Variants in PARG observed in about 807,000 individuals in gnomAD.
PARG encodes the protein poly(ADP-ribose) glycohydrolase.
Under a neutral mutation model 113.0 loss-of-function variants are expected in PARG, and 35 were observed. The observed-to-expected ratio is 0.31, with a 90% CI of 0.24 to 0.41. PARG has a LOEUF of 0.41. Ranked by LOEUF, PARG falls within the 10% of genes least tolerant of loss-of-function variation. PARG has a pLI of 1.00. For synonymous variants in PARG, 330 were observed against 409.9 expected (o/e 0.81, Z 2.36); for missense variants, 797 against 1,169.4 (o/e 0.68, Z 4.64).
intron 16 of PARG, among the ~76,000 whole-genome samples, chr10:49,829,930 T>G (rs536815092): frequency 6.6e-6 from 1 of 152,282 alleles, no homozygotes; most frequent in South Asian, 2.1e-4. Context: ...CTTTTTTTTT[T>G]AGCATCATAG....
In PARG at chr10:49,862,086, C is replaced by CGTGTGTGT. The variant is rs35142553; in HGVS notation, c.2130-431_2130-424dup. Reference sequence around the variant, plus strand: ...TTTTCTATTTTCACTGTTTCATAACCGTGTGTGTGTGTGTGTGTGTGTGTG... The same window carrying CGTGTGTGT: ...TTTTCTATTTTCACTGTTTCATAACCGTGTGTGTGTGTGTGTGTGTGTGTGTGTGTGTG... On this transcript the variant is annotated intron_variant, in intron 11 of 17. Transcript: ENST00000616448. Among the ~76,000 whole-genome samples, 242 of 142,962 alleles carry CGTGTGTGT rather than the reference C, an allele frequency of 1.7e-3. 2 individuals are homozygous for CGTGTGTGT. The highest frequency in any genetic ancestry group is 5.1e-3 in the African/African-American group (193 of 37,760). 93.8% of individuals were successfully genotyped at this position (142,962 alleles called of 152,430 possible). A position where few individuals can be genotyped will look rare whatever the true frequency, so the allele number is the denominator to read the frequency against.
chr10:49,823,405 GT>G (rs1187812472), intron 16 of PARG, among the ~76,000 whole-genome samples: 1 of 152,088 alleles, frequency 6.6e-6, no homozygotes, highest in Non-Finnish European at 1.5e-5. Context: ...CATAATATAT[GT>G]AAGACCCTAA....
At chr10:49,896,564 C>T (rs373454467) in intron 7 of PARG, among the ~76,000 whole-genome samples, 279 of 152,200 alleles carry the variant, frequency 1.8e-3, no homozygotes, top group East Asian at 0.017. Context: ...GGATTACAGG[C>T]ATGAGCCATC....
chr10:49,913,982 A>T (rs1318838629), intron 7 of PARG, among the ~76,000 whole-genome samples: 1 of 152,160 alleles, frequency 6.6e-6, no homozygotes, highest in Non-Finnish European at 1.5e-5. Flanking sequence ...AACCATCATC[A>T]GCACCTGAGT....
At chr10:49,834,863 T>C (rs1442284708) in intron 15 of PARG, among the ~76,000 whole-genome samples, 2 of 151,974 alleles carry the variant, frequency 1.3e-5, no homozygotes, top group African/African-American at 4.8e-5. Context: ...AAAATATTAA[T>C]CAGATAAAAA....
At chr10:49,829,146 G>T (rs1430420686) in intron 16 of PARG, among the ~76,000 whole-genome samples, 2 of 152,052 alleles carry the variant, frequency 1.3e-5, no homozygotes, top group African/African-American at 4.8e-5. Context: ...TGAGGGAGGA[G>T]AATTGCTTGA....
At chr10:49,879,310 AG>A (rs1225827644) in intron 9 of PARG, among the ~76,000 whole-genome samples, 2 of 151,396 alleles carry the variant, frequency 1.3e-5, no homozygotes, top group Admixed American at 6.6e-5. Context: ...TTCAGCATTA[AG>A]GAATATAAGC....
At chr10:49,906,857 G>C (rs1848616746) in intron 7 of PARG, among the ~76,000 whole-genome samples, 1 of 152,112 alleles carries the variant, frequency 6.6e-6, no homozygotes, top group African/African-American at 2.4e-5. Flanking sequence ...GCAACAGATA[G>C]AAGTGTCCAA....
At chr10:49,915,067 T>C (rs1182710019) in intron 7 of PARG, among the ~76,000 whole-genome samples, 2 of 151,750 alleles carry the variant, frequency 1.3e-5, no homozygotes, top group African/African-American at 4.8e-5. Flanking sequence ...GAAACATAAA[T>C]CTTCATGATC....
At chr10:49,834,011 T>C (rs1446498539) in intron 15 of PARG, among the ~76,000 whole-genome samples, 4 of 152,210 alleles carry the variant, frequency 2.6e-5, no homozygotes, top group African/African-American at 9.6e-5. Context: ...AACAAGGCTA[T>C]TCCTTCCATA....
At chr10:49,841,804 A>G (rs1845253143) in intron 15 of PARG, 146 bp downstream of exon 15, 6 of 617,470 alleles carry the variant, frequency 9.7e-6, no homozygotes, top group Admixed American at 2.8e-5. Flanking sequence ...CATCTTGTAC[A>G]AGCTGACAGA....
chr10:49,854,657 T>TG (rs1384219601), intron 13 of PARG, among the ~76,000 whole-genome samples: 1 of 145,228 alleles, frequency 6.9e-6, no homozygotes, highest in Non-Finnish European at 1.5e-5. Flanking sequence ...AGTGCAGTGT[T>TG]GAAGGTAGGC....
chr10:49,858,311 A>T (rs1280387081), intron 12 of PARG, among the ~76,000 whole-genome samples: 6 of 132,222 alleles, frequency 4.5e-5, no homozygotes, highest in African/African-American at 1.7e-4. Flanking sequence ...TTCCTTAGTG[A>T]GACTATCTGA....
Position 49,941,711 on chromosome 10 carries a change from G to A in PARG, c.15C>T (p.Pro5=), listed in dbSNP as rs1306125869. 1.9e-5 allele frequency: 30 copies of A among 1,579,672 alleles called. No individual in the cohort carries two copies. Among genetic ancestry groups the A allele is most frequent in the South Asian group, 2.3e-5 (2 of 85,924 alleles). Residue 5 remains proline, a synonymous_variant, in exon 1 of 18, where the codon CCC becomes CCT. Transcript: ENST00000616448. ...GTCGCTTGGTGCAGGGTTCACAGCC[G>A]GGGCCCGCATTCATGCTGGGACCAG... is the stretch of plus-strand genomic sequence containing the variant. MNAG[P]GCEPCTKRPR...
chr10:49,827,982 TTTAAG>T (rs1165018933), intron 16 of PARG, among the ~76,000 whole-genome samples: 4 of 150,710 alleles, frequency 2.7e-5, no homozygotes, highest in African/African-American at 7.3e-5. Flanking sequence ...GTGAGATAAT[TTTAAG>T]TTATCTCCTA....
At chr10:49,844,524 G>A (rs551185682) in intron 13 of PARG, among the ~76,000 whole-genome samples, 1 of 151,712 alleles carries the variant, frequency 6.6e-6, no homozygotes, top group African/African-American at 2.4e-5. Context: ...TCAGGAGGCT[G>A]AGGCAGGAGA....
At chr10:49,914,589 C>T (rs1650682325) in intron 7 of PARG, among the ~76,000 whole-genome samples, 1 of 152,066 alleles carries the variant, frequency 6.6e-6, no homozygotes, top group African/African-American at 2.4e-5. Flanking sequence ...CAGAAAGTAA[C>T]AAATTAATCC....
intron 10 of PARG, among the ~76,000 whole-genome samples, chr10:49,866,863 T>C (rs1426357307): frequency 1.3e-5 from 2 of 152,124 alleles, no homozygotes; most frequent in Non-Finnish European, 2.9e-5. Flanking sequence ...TAAGACACTT[T>C]ATCTAAAACT....
intron 14 of PARG, among the ~76,000 whole-genome samples, chr10:49,842,650 A>C (rs1156905245): frequency 6.6e-6 from 1 of 152,242 alleles, no homozygotes. Flanking sequence ...AATAGAAAGG[A>C]CTGGTTGAGA....
Sources: gnomAD v4.1 joint callset for allele counts (sites outside exome capture counted in the v4.1 genomes callset) on GRCh38, gnomAD v4.1.1 for gene constraint, MANE v1.5 for transcripts, NCBI Gene and HGNC (gene_info 2026-07-23, HGNC 2026-07-21) for gene names.